Variants in REV3L observed in about 807,000 individuals in gnomAD.
REV3L encodes the protein DNA polymerase zeta catalytic subunit.
REV3L carries 69 observed loss-of-function variants against 299.4 expected under a neutral mutation model. The observed-to-expected ratio is 0.23, with a 90% CI of 0.19 to 0.28. The LOEUF (loss-of-function observed/expected upper bound fraction) is 0.28. REV3L is among the 10% of genes least tolerant of loss of function. The pLI is 1.00. For synonymous variants in REV3L, 1,238 were observed against 1,271.4 expected (o/e 0.97, Z 0.56); for missense variants, 3,128 against 3,693.8 (o/e 0.85, Z 3.97).
At chr6:111,360,064 T>G (rs139002549) in intron 16 of REV3L, among the ~76,000 whole-genome samples, 1 of 152,224 alleles carries the variant, frequency 6.6e-6, no homozygotes, top group African/African-American at 2.4e-5. Flanking sequence ...TACTCGAGAA[T>G]AGCAAAGACT....
intron 20 of REV3L, among the ~76,000 whole-genome samples, chr6:111,344,571 T>G (rs1776843926): frequency 6.6e-6 from 1 of 152,172 alleles, no homozygotes. Flanking sequence ...TACTAAAATG[T>G]CAGAAATGTC....
chr6:111,483,624 G>A, upstream of REV3L: 1 of 440,578 alleles, frequency 2.3e-6, no homozygotes, highest in East Asian at 8.6e-5. Context: ...TTCACATCCA[G>A]CAGAGGAGGC....
intron 1 of REV3L, among the ~76,000 whole-genome samples, chr6:111,458,905 C>A (rs1790449532): frequency 6.6e-6 from 1 of 151,750 alleles, no homozygotes; most frequent in Non-Finnish European, 1.5e-5. Context: ...TTACCAATAT[C>A]ATTTTTCACA....
intron 1 of REV3L, chr6:111,431,411 TC>T: frequency 1.0e-6 from 1 of 992,368 alleles, no homozygotes; most frequent in Non-Finnish European, 1.6e-6. Flanking sequence ...ACTTTGGCGT[TC>T]CGGTTAAAGT....
chr6:111,336,320 TA>T (rs1775893783), intron 21 of REV3L, among the ~76,000 whole-genome samples: 1 of 152,062 alleles, frequency 6.6e-6, no homozygotes, highest in Non-Finnish European at 1.5e-5. Context: ...CTATAAGGAA[TA>T]AAATTTATTC....
chr6:111,423,392 T>C (rs1456866883), intron 1 of REV3L, among the ~76,000 whole-genome samples: 2 of 152,008 alleles, frequency 1.3e-5, no homozygotes, highest in African/African-American at 4.8e-5. Flanking sequence ...ATGTTTTCAG[T>C]ATGTACAGAA....
chr6:111,460,760 A>C (rs1437663298), intron 1 of REV3L, among the ~76,000 whole-genome samples: 1 of 152,128 alleles, frequency 6.6e-6, no homozygotes, highest in African/African-American at 2.4e-5. Flanking sequence ...TTGTTCTAAA[A>C]GATAACTGTC....
chr6:111,483,309 G>A, upstream of REV3L: 1 of 486,670 alleles, frequency 2.1e-6, no homozygotes, highest in South Asian at 3.1e-5. Flanking sequence ...GCGGGAAAAG[G>A]AGCGAGAGGG....
At chr6:111,440,024 T>C (rs1271775739) in intron 1 of REV3L, among the ~76,000 whole-genome samples, 1 of 152,154 alleles carries the variant, frequency 6.6e-6, no homozygotes, top group African/African-American at 2.4e-5. Context: ...ACCCATAGGA[T>C]GCAGAAAATG....
chr6:111,482,863 G>A lies in REV3L; in HGVS notation c.26C>T (p.Ala9Val), dbSNP rs1194646284. Residue 9 changes from alanine to valine, a missense_variant, in exon 1 of 32, where the codon GCA becomes GTA. Around this residue, in one of 9 missense-constraint regions of REV3L, gnomAD observed 48 missense variants for 42.8 expected, o/e 1.12. Coordinates refer to ENST00000368802, the MANE Select transcript of REV3L (RefSeq NM_001372078.1). ...CAGCGGGCTGGCCATGTAGTAGTCT[G>A]CAGTCACTATCCTTACTGAAAACAT... The part of the protein sequence containing the change: MFSVRIVT[A>V]DYYMASPLQG... 1.3e-6 allele frequency: 2 copies of A among 1,522,222 alleles called. No homozygotes were observed. Among genetic ancestry groups the A allele is most frequent in the South Asian group, 2.6e-5 (2 of 78,208 alleles). The allele number at this position is 1,522,222 out of a possible 1,614,324, so 94.3% of individuals were successfully genotyped here. A position where few individuals can be genotyped will look rare whatever the true frequency, so the allele number is the denominator to read the frequency against.
Position 111,450,454 on chromosome 6 carries a change from G to A in REV3L, c.139+32296C>T, listed in dbSNP as rs1260320504. 3.0e-5 allele frequency among the ~76,000 whole-genome samples: 4 copies of A among 132,578 alleles called. No individual in the cohort carries two copies. In the East Asian group the frequency reaches 6.7e-4, roughly 22 times the overall value. 87.0% of individuals were successfully genotyped at this position (132,578 alleles called of 152,430 possible). A position where few individuals can be genotyped will look rare whatever the true frequency, so the allele number is the denominator to read the frequency against. On this transcript the variant is annotated intron_variant, in intron 1 of 31. Coordinates refer to ENST00000368802, the MANE Select transcript of REV3L (RefSeq NM_001372078.1). ...TGCTTGTGCCATTGCACTCCAGCCC[G>A]GGTGACAGAGCAAGACCCTGTCTCA...
At chr6:111,314,210 AAG>A (rs1313027095) in intron 27 of REV3L, among the ~76,000 whole-genome samples, 1 of 152,222 alleles carries the variant, frequency 6.6e-6, no homozygotes, top group Non-Finnish European at 1.5e-5. Flanking sequence ...GTAAGTGAAA[AAG>A]AGTTCAAAGT....
chr6:111,349,601 G>A (rs1375969230), intron 19 of REV3L, among the ~76,000 whole-genome samples: 1 of 151,982 alleles, frequency 6.6e-6, no homozygotes, highest in East Asian at 1.9e-4. Context: ...ATGTTGCCCA[G>A]GTTGAGTGCA....
intron 1 of REV3L, among the ~76,000 whole-genome samples, chr6:111,480,090 C>T (rs759764613): frequency 3.9e-5 from 6 of 152,148 alleles, no homozygotes; most frequent in Non-Finnish European, 5.9e-5. Flanking sequence ...TCTTTGGTTG[C>T]TATTTTTCAG....
At chr6:111,457,434 A>G (rs1790277855) in intron 1 of REV3L, among the ~76,000 whole-genome samples, 2 of 151,978 alleles carry the variant, frequency 1.3e-5, no homozygotes, top group Non-Finnish European at 2.9e-5. Context: ...CCCAGGCTAT[A>G]TCTCATGGTC....
intron 1 of REV3L, among the ~76,000 whole-genome samples, chr6:111,443,670 C>A (rs1009024474): frequency 6.6e-6 from 1 of 152,174 alleles, no homozygotes; most frequent in Non-Finnish European, 1.5e-5. Flanking sequence ...TCTCAATACT[C>A]TGAATAGACA....
intron 4 of REV3L, among the ~76,000 whole-genome samples, chr6:111,396,016 C>G (rs1423100692): frequency 6.6e-6 from 1 of 151,756 alleles, no homozygotes; most frequent in Non-Finnish European, 1.5e-5. Flanking sequence ...AATGAACAAT[C>G]CTTGCACCCC....
At position 111,374,390 on chromosome 6, in the gene REV3L, A is replaced by G; in HGVS notation, c.3965T>C (p.Val1322Ala). ...TCCAGGTCCTATAGAATTACAAACA[A>G]CTGATGGATGCAAATCATCTCGTGA... ...PSSRDDLHPSVVCNSIGPGVS... is the reference protein window; with the variant it reads ...PSSRDDLHPSAVCNSIGPGVS... Residue 1322 changes from valine (V) to alanine (A), a missense_variant, in exon 13 of 32, where the codon GTT becomes GCT. Physicochemically the swap from Val to Ala is moderately conservative, Grantham distance 64 (BLOSUM62 0). This residue lies in a region of REV3L where 2,409 missense variants were observed against 2,611.8 expected (regional missense o/e 0.92). Transcript: ENST00000368802. The G allele has an allele frequency of 6.2e-7, 1 of 1,614,048 alleles. No individual in the cohort carries two copies. The highest frequency in any genetic ancestry group is 8.5e-7 in the Non-Finnish European group (1 of 1,179,934).
At chr6:111,328,620 T>C (rs1216649469) in intron 25 of REV3L, among the ~76,000 whole-genome samples, 3 of 152,200 alleles carry the variant, frequency 2.0e-5, no homozygotes, top group South Asian at 2.1e-4. Context: ...AGAGGTATCT[T>C]ATAGAGAAAA....
Sources: allele counts gnomAD v4.1 joint callset (sites outside exome capture counted in the v4.1 genomes callset), GRCh38; gene constraint gnomAD v4.1.1; regional missense constraint gnomAD v4.1.1; transcripts MANE v1.5; gene names NCBI Gene and HGNC (gene_info 2026-07-23, HGNC 2026-07-21).